CDS2: variants seen among roughly 807,000 people sequenced by gnomAD.
CDS2 encodes CDP-diacylglycerol synthase 2.
Under a neutral mutation model 59.0 loss-of-function variants are expected in CDS2, and 47 were observed. That is an observed-to-expected ratio of 0.80 (90% confidence interval 0.63 to 1.02). The LOEUF (loss-of-function observed/expected upper bound fraction) is 1.02, where lower values mean the gene tolerates loss of function less well. Ranked by LOEUF, CDS2 falls within the 50% of genes least tolerant of loss-of-function variation. The pLI is 0.00. For missense variants in CDS2, 356 were observed against 558.9 expected (o/e 0.64, Z 3.66); for synonymous variants, 207 against 206.4 (o/e 1.00, Z -0.02).
intron 1 of CDS2, among the ~76,000 whole-genome samples, chr20:5,143,764 C>CTT (rs1274506360): frequency 7.7e-6 from 1 of 129,444 alleles, no homozygotes; most frequent in African/African-American, 3.2e-5. Flanking sequence ...TTTTCTTCTT[C>CTT]TTCTTTTTTT....
intron 1 of CDS2, among the ~76,000 whole-genome samples, chr20:5,165,034 G>C (rs146009409): frequency 1.3e-5 from 2 of 152,228 alleles, no homozygotes; most frequent in African/African-American, 4.8e-5. Context: ...AAGGATTCCT[G>C]GTCATTCCTT....
intron 1 of CDS2, among the ~76,000 whole-genome samples, chr20:5,167,316 T>C (rs769494095): frequency 2.0e-5 from 3 of 152,200 alleles, no homozygotes; most frequent in Non-Finnish European, 4.4e-5. Flanking sequence ...TGAATACATT[T>C]TCTTTGAATC....
Position 5,191,220 on chromosome 20 carries a change from C to T in CDS2, c.*986C>T, listed in dbSNP as rs889663712. ...TGTTTTAAAAGTCACTTATTTCTTA[C>T]AGTGATTTCAATTGCACCATGACTT... On this transcript the variant is annotated 3_prime_UTR_variant, in exon 13 of 13. Transcript: ENST00000460006. The T allele has an allele frequency of 6.6e-6, 1 of 152,588 alleles. No homozygotes were observed. Among genetic ancestry groups the T allele is most frequent in the Non-Finnish European group, 1.5e-5 (1 of 68,042 alleles). 9.5% of individuals were successfully genotyped at this position (152,588 alleles called of 1,614,324 possible). A position where few individuals can be genotyped will look rare whatever the true frequency, so the allele number is the denominator to read the frequency against.
chr20:5,188,395 C>G (rs1213961076), intron 10 of CDS2, among the ~76,000 whole-genome samples: 3 of 152,342 alleles, frequency 2.0e-5, no homozygotes, highest in Middle Eastern at 3.4e-3. Context: ...CTAAAATACT[C>G]TTTTCAACTA....
chr20:5,160,273 C>T (rs2090867173), intron 1 of CDS2, among the ~76,000 whole-genome samples: 2 of 152,192 alleles, frequency 1.3e-5, no homozygotes, highest in Admixed American at 6.5e-5. Flanking sequence ...ACTTCATATG[C>T]TTGCTGAAGG....
chr20:5,136,274 A>G (rs976011988), intron 1 of CDS2, among the ~76,000 whole-genome samples: 1 of 151,656 alleles, frequency 6.6e-6, no homozygotes, highest in Non-Finnish European at 1.5e-5. Context: ...CTCTCATTCT[A>G]CTCTTACCAC....
At chr20:5,138,087 G>A (rs150041928) in intron 1 of CDS2, among the ~76,000 whole-genome samples, 3,772 of 151,096 alleles carry the variant, frequency 0.025, 69 homozygotes, top group East Asian at 0.079. Context: ...ATGAGCCACC[G>A]CGCCTGGCCA....
In CDS2 at chr20:5,173,787, C is replaced by T. The variant is rs2090974349; in HGVS notation, c.194+128C>T. 4.7e-6 allele frequency: 5 copies of T among 1,064,156 alleles called. No homozygotes were observed. In the South Asian group the frequency reaches 5.7e-5, roughly 12 times the overall value. The allele number at this position is 1,064,156 out of a possible 1,614,324, so 65.9% of individuals were successfully genotyped here. ...GCTGTCTTGCCTCAGCCTCCCATGC[C>T]ACTGCTCCAGGCTCCATTGAGTGTA... On this transcript the variant is annotated intron_variant, in intron 2 of 12. Coordinates refer to ENST00000460006, the MANE Select transcript of CDS2 (RefSeq NM_003818.4).
rs1175556677 is a variant in CDS2, at chr20:5,186,851, TCA to T, written c.981+15_981+16del. On this transcript the variant is annotated intron_variant, in intron 10 of 12. Coordinates refer to ENST00000460006, the MANE Select transcript of CDS2 (RefSeq NM_003818.4). ...CAGTCATTGGCTGGGTATGTGCCACTCACAGGGGGTGAGCGGCCTCCATGGAC... is the reference window on the plus strand; with the variant it reads ...CAGTCATTGGCTGGGTATGTGCCACTCAGGGGGTGAGCGGCCTCCATGGAC... 18 of 1,613,960 alleles carry T rather than the reference TCA, an allele frequency of 1.1e-5. No individual in the cohort carries two copies. Among genetic ancestry groups the T allele is most frequent in the Non-Finnish European group, 1.4e-5 (17 of 1,179,942 alleles).
At chr20:5,135,454 G>A (rs879866439) in intron 1 of CDS2, among the ~76,000 whole-genome samples, 4 of 149,598 alleles carry the variant, frequency 2.7e-5, no homozygotes, top group Admixed American at 6.6e-5. Context: ...AGCTGTTTGT[G>A]TGTCATACTG....
At chr20:5,190,009 T>G in intron 12 of CDS2, 93 bp from the exon 13 acceptor site, 3 of 1,522,708 alleles carry the variant, frequency 2.0e-6, no homozygotes, top group Non-Finnish European at 2.7e-6. Context: ...TAGATAACTC[T>G]CTGATCCAGA....
At chr20:5,149,709 A>C (rs2090773284) in intron 1 of CDS2, among the ~76,000 whole-genome samples, 1 of 147,802 alleles carries the variant, frequency 6.8e-6, no homozygotes, top group African/African-American at 2.5e-5. Flanking sequence ...GCCTTCTCCT[A>C]GTGTTTTTTG....
chr20:5,131,314 C>T (rs1224551781), intron 1 of CDS2, among the ~76,000 whole-genome samples: 1 of 152,160 alleles, frequency 6.6e-6, no homozygotes, highest in Non-Finnish European at 1.5e-5. Context: ...ATGTTCTCCT[C>T]TGGGAACTGT....
intron 1 of CDS2, among the ~76,000 whole-genome samples, chr20:5,163,787 CTTTCTTTT>C (rs1319393340): frequency 1.4e-3 from 167 of 115,880 alleles, no homozygotes; most frequent in Non-Finnish European, 2.4e-3. Context: ...TAATTTCTTT[CTTTCTTTT>C]TTTTTTTTTT....
intron 1 of CDS2, among the ~76,000 whole-genome samples, chr20:5,132,521 T>C (rs1299538837): frequency 6.6e-6 from 1 of 152,222 alleles, no homozygotes. Context: ...TGGTTTTCAA[T>C]AGACTTTGAG....
chr20:5,148,065 A>G (rs950899810), intron 1 of CDS2, among the ~76,000 whole-genome samples: 29 of 152,272 alleles, frequency 1.9e-4, no homozygotes, highest in African/African-American at 7.0e-4. Flanking sequence ...ATTGTTATCT[A>G]ACATGATCTT....
At position 5,176,682 on chromosome 20, in the gene CDS2, T is replaced by C; in HGVS notation, c.326T>C (p.Ile109Thr). 6.2e-7 allele frequency: 1 copy of C among 1,614,018 alleles called. No homozygotes were observed. The highest frequency in any genetic ancestry group is 8.5e-7 in the Non-Finnish European group (1 of 1,179,848). ...GTTCAGATTAAGTGTTTCCATGAGA[T>C]AATCACTATTGGCTACAACGTCTAC... ...MCVQIKCFHE[I>T]ITIGYNVYHS... The change falls in exon 4 of 13, where the codon ATA becomes ACA. Residue 109 changes from isoleucine to threonine, a missense_variant. Physicochemically the swap from Ile to Thr is moderately conservative, Grantham distance 89. Transcript: ENST00000460006.
chr20:5,147,879 C>T (rs1370137701), intron 1 of CDS2, among the ~76,000 whole-genome samples: 2 of 152,264 alleles, frequency 1.3e-5, no homozygotes, highest in Admixed American at 1.3e-4. Context: ...AAAAACCAGT[C>T]TTTCAGCTCT....
At chr20:5,129,162 A>AGCT (rs1233488573) in intron 1 of CDS2, among the ~76,000 whole-genome samples, 2 of 152,210 alleles carry the variant, frequency 1.3e-5, no homozygotes, top group Non-Finnish European at 2.9e-5. Context: ...CCTAAAAGAC[A>AGCT]GCTGCTATGC....
Sources: allele counts gnomAD v4.1 joint callset (sites outside exome capture counted in the v4.1 genomes callset), GRCh38; gene constraint gnomAD v4.1.1; transcripts MANE v1.5; gene names NCBI Gene and HGNC (gene_info 2026-07-23, HGNC 2026-07-21).